FRZB: variants seen among roughly 807,000 people sequenced by gnomAD.
FRZB encodes the protein frizzled related protein.
A neutral mutation model predicts 32.5 loss-of-function variants in FRZB; 34 were observed. That is an observed-to-expected ratio of 1.05 (90% CI 0.80 to 1.39). The LOEUF (loss-of-function observed/expected upper bound fraction) is 1.39. FRZB is among the 40% of genes most tolerant of loss of function. The pLI is 0.00. For synonymous variants in FRZB, 170 were observed against 159.2 expected (o/e 1.07, Z -0.51); for missense variants, 423 against 424.8 (o/e 1.00, Z 0.04).
Position 182,858,849 on chromosome 2 carries a change from A to G in FRZB, c.479-16T>C. ...ATAGGAAAATCTGAAAGGAGGTGACAGAAAAAAGAACTATAACATATCTAT... is the reference window on the plus strand; with the variant it reads ...ATAGGAAAATCTGAAAGGAGGTGACGGAAAAAAGAACTATAACATATCTAT... On this transcript the variant is annotated splice_polypyrimidine_tract_variant and intron_variant, in intron 1 of 5. Transcript: ENST00000295113. The G allele has an allele frequency of 6.3e-7, 1 of 1,599,656 alleles. No homozygotes were observed. Among genetic ancestry groups the G allele is most frequent in the Non-Finnish European group, 8.6e-7 (1 of 1,168,694 alleles).
At chr2:182,862,338 T>C (rs1695842533) in intron 1 of FRZB, among the ~76,000 whole-genome samples, 1 of 152,206 alleles carries the variant, frequency 6.6e-6, no homozygotes, top group Non-Finnish European at 1.5e-5. Context: ...GAAATAGCTG[T>C]GAAATATCAT....
chr2:182,864,320 A>C (rs1212701014), intron 1 of FRZB, among the ~76,000 whole-genome samples: 1 of 152,180 alleles, frequency 6.6e-6, no homozygotes, highest in East Asian at 1.9e-4. Flanking sequence ...AATGCATTTC[A>C]GCCTGAACCA....
chr2:182,849,327 T>C (rs1181943880), intron 2 of FRZB, among the ~76,000 whole-genome samples: 1 of 152,154 alleles, frequency 6.6e-6, no homozygotes, highest in Non-Finnish European at 1.5e-5. Flanking sequence ...TATACATTTG[T>C]CAAAATTTAA....
chr2:182,851,657 A>G (rs759327893), intron 2 of FRZB, among the ~76,000 whole-genome samples: 2 of 152,152 alleles, frequency 1.3e-5, no homozygotes, highest in Non-Finnish European at 2.9e-5. Flanking sequence ...CTCCATCTCA[A>G]AAAAACAAAA....
chr2:182,847,190 T>C (rs1477192577), intron 2 of FRZB, among the ~76,000 whole-genome samples: 5 of 152,184 alleles, frequency 3.3e-5, no homozygotes, highest in Admixed American at 2.0e-4. Context: ...TAAAACACAA[T>C]GTATATGTGT....
chr2:182,845,993 C>T (rs963416089), intron 2 of FRZB, among the ~76,000 whole-genome samples: 2 of 152,318 alleles, frequency 1.3e-5, no homozygotes, highest in Middle Eastern at 3.4e-3. Context: ...CCATGATACA[C>T]GCAGTGCCCG....
chr2:182,836,930 A>G (rs769915828), intron 5 of FRZB, among the ~76,000 whole-genome samples: 1 of 152,080 alleles, frequency 6.6e-6, no homozygotes, highest in South Asian at 2.1e-4. Context: ...TTTGTAGGTC[A>G]CTTAAACCCA....
intron 3 of FRZB, among the ~76,000 whole-genome samples, chr2:182,840,533 CT>C (rs1289931489): frequency 6.6e-6 from 1 of 151,988 alleles, no homozygotes; most frequent in Non-Finnish European, 1.5e-5. Context: ...GAGGTTTTGT[CT>C]GAATTTCCAA....
chr2:182,850,491 C>G (rs546974967), intron 2 of FRZB, among the ~76,000 whole-genome samples: 1 of 152,274 alleles, frequency 6.6e-6, no homozygotes, highest in East Asian at 1.9e-4. Flanking sequence ...ATTGGTCTTT[C>G]TGGGCTTGGC....
chr2:182,859,285 T>C (rs1442522062), intron 1 of FRZB, among the ~76,000 whole-genome samples: 7 of 152,078 alleles, frequency 4.6e-5, no homozygotes, highest in Non-Finnish European at 1.0e-4. Flanking sequence ...TCAGAAATCA[T>C]TCTCATGTCC....
At chr2:182,842,652 G>A (rs754827635) in intron 2 of FRZB, 109 bp from the exon 3 acceptor site, 2 of 753,438 alleles carry the variant, frequency 2.7e-6, no homozygotes, top group African/African-American at 1.8e-5. Flanking sequence ...TGGTGAGAAG[G>A]CTCTTGTCAA....
intron 2 of FRZB, among the ~76,000 whole-genome samples, chr2:182,849,407 C>CA (rs1371366245): frequency 6.6e-6 from 1 of 151,960 alleles, no homozygotes; most frequent in Non-Finnish European, 1.5e-5. Context: ...GTCCTATTAA[C>CA]AAAAAATAAG....
intron 2 of FRZB, among the ~76,000 whole-genome samples, chr2:182,857,914 T>C (rs1378090174): frequency 6.6e-6 from 1 of 152,204 alleles, no homozygotes; most frequent in East Asian, 1.9e-4. Flanking sequence ...GTATTCAGCA[T>C]CATTAGCCAT....
At chr2:182,849,501 T>C (rs910149952) in intron 2 of FRZB, among the ~76,000 whole-genome samples, 4 of 152,206 alleles carry the variant, frequency 2.6e-5, no homozygotes, top group African/African-American at 4.8e-5. Context: ...ATTTATTTCC[T>C]ACACCTATAC....
rs1695486169 is a variant in FRZB, at chr2:182,833,308, C to T, written c.*1541G>A. The T allele has an allele frequency of 6.6e-6, 1 of 152,144 alleles. No individual in the cohort carries two copies. Among genetic ancestry groups the T allele is most frequent in the South Asian group, 2.1e-4 (1 of 4,828 alleles). The allele number at this position is 152,144 out of a possible 1,614,324, so 9.4% of individuals were successfully genotyped here. On this transcript the variant is annotated 3_prime_UTR_variant, in exon 6 of 6. Transcript: ENST00000295113. ...TCATAAGCATTTTATTTTCAGCACGCCACAGCTTAGAAATTTGGTTCTACT... is the reference window on the plus strand; with the variant it reads ...TCATAAGCATTTTATTTTCAGCACGTCACAGCTTAGAAATTTGGTTCTACT...
At chr2:182,838,935 T>C (rs1036439456) in intron 3 of FRZB, among the ~76,000 whole-genome samples, 5 of 152,152 alleles carry the variant, frequency 3.3e-5, no homozygotes, top group African/African-American at 1.2e-4. Context: ...GATACAATTT[T>C]TCTCTAAAAT....
intron 2 of FRZB, among the ~76,000 whole-genome samples, chr2:182,848,465 C>T (rs1326202474): frequency 2.6e-5 from 4 of 152,136 alleles, no homozygotes; most frequent in African/African-American, 9.7e-5. Context: ...GATTCCACCC[C>T]ATGGAACACA....
intron 1 of FRZB, among the ~76,000 whole-genome samples, chr2:182,860,348 G>A (rs572210376): frequency 9.9e-5 from 15 of 152,198 alleles, no homozygotes; most frequent in Middle Eastern, 3.4e-3. Context: ...AGGATTTTAA[G>A]CAAAAGATTT....
chr2:182,862,763 CTTTTCTTTTCTT>C (rs1695847204), intron 1 of FRZB, among the ~76,000 whole-genome samples: 1 of 109,098 alleles, frequency 9.2e-6, no homozygotes, highest in African/African-American at 3.6e-5. Flanking sequence ...AATTTCTTTT[CTTTTCTTTTCTT>C]TTTTTTTTTT....
Sources: gnomAD v4.1 joint callset for allele counts (sites outside exome capture counted in the v4.1 genomes callset) on GRCh38, gnomAD v4.1.1 for gene constraint, MANE v1.5 for transcripts, NCBI Gene and HGNC (gene_info 2026-07-23, HGNC 2026-07-21) for gene names.